Variants in MYO5B observed in about 807,000 individuals in gnomAD.
The protein encoded by MYO5B is myosin VB, also known as unconventional myosin-Vb.
In MYO5B, 143 loss-of-function variants were observed where a neutral mutation model predicts 229.3. The ratio of observed to expected loss-of-function variants is 0.62; its 90% CI spans 0.54 to 0.72. The LOEUF is 0.72. Ranked by LOEUF, MYO5B falls within the 30% of genes least tolerant of loss-of-function variation. MYO5B has a pLI of 0.00. For missense variants in MYO5B, 2,321 were observed against 2,331.0 expected, an observed-to-expected ratio of 1.00 and a Z score of 0.09; for synonymous variants, 918 against 885.2, an observed-to-expected ratio of 1.04 and a Z score of -0.66.
chr18:49,869,791 C>T (rs1235654435), intron 27 of MYO5B, among the ~76,000 whole-genome samples: 1 of 151,124 alleles, frequency 6.6e-6, no homozygotes, highest in Non-Finnish European at 1.5e-5. Flanking sequence ...GGGCCCTATC[C>T]CAGCCTTCTG....
intron 21 of MYO5B, among the ~76,000 whole-genome samples, chr18:49,896,162 T>C (rs1240996111): frequency 1.3e-5 from 2 of 152,178 alleles, no homozygotes; most frequent in African/African-American, 2.4e-5. Context: ...AGAAAAGCCC[T>C]TGGACCCTGT....
chr18:49,846,241 A>G (rs2024124438), intron 33 of MYO5B, among the ~76,000 whole-genome samples: 4 of 152,158 alleles, frequency 2.6e-5, no homozygotes, highest in African/African-American at 9.7e-5. Flanking sequence ...TCCTCACTTT[A>G]ATGAGCCTGT....
chr18:50,077,901 C>A (rs1028020463), intron 1 of MYO5B, among the ~76,000 whole-genome samples: 2 of 152,188 alleles, frequency 1.3e-5, no homozygotes, highest in Admixed American at 1.3e-4. Context: ...GACCTTTATT[C>A]AGCACACTCC....
In MYO5B at chr18:49,826,528, G is replaced by T; in HGVS notation, c.5490C>A (p.Thr1830=). The T allele has an allele frequency of 6.2e-7, 1 of 1,614,032 alleles. No individual in the cohort carries two copies. The highest frequency in any genetic ancestry group is 8.5e-7 in the Non-Finnish European group (1 of 1,179,926). ...VLFPFNPSSL[T]MDSIHIPACL... ...ACGCTGGGATGTGGATTGAGTCCAT[G>T]GTTAGAGAAGATGGATTAAATGGAA... Residue 1830 remains threonine, a synonymous_variant, in exon 40 of 40, where the codon ACC becomes ACA. Transcript: ENST00000285039.
chr18:50,145,987 A>G (rs1027116281), intron 1 of MYO5B, among the ~76,000 whole-genome samples: 2 of 152,252 alleles, frequency 1.3e-5, no homozygotes, highest in African/African-American at 4.8e-5. Flanking sequence ...TTTGTTTTGT[A>G]AATTAAAGGA....
chr18:50,128,315 G>GA lies in MYO5B; in HGVS notation c.27+66451dup, dbSNP rs137873830. Among the ~76,000 whole-genome samples, 527 of 152,272 alleles carry GA rather than the reference G, an allele frequency of 3.5e-3. 1 individual carries two copies. Among genetic ancestry groups the GA allele is most frequent in the African/African-American group, 0.012 (519 of 41,550 alleles). ...CCATGAGAAAATGGCTTTGAAGGGG[G>GA]AGAGAGAACAAACAGGAATGAGGAC... is the stretch of plus-strand genomic sequence containing the variant. On this transcript the variant is annotated intron_variant, in intron 1 of 39. Coordinates refer to ENST00000285039, the MANE Select transcript of MYO5B (RefSeq NM_001080467.3).
chr18:50,112,095 A>G (rs1202787731), intron 1 of MYO5B, among the ~76,000 whole-genome samples: 4 of 152,252 alleles, frequency 2.6e-5, no homozygotes, highest in Admixed American at 1.3e-4. Context: ...GGGCAAAGGA[A>G]GAGAGCTATA....
In MYO5B at chr18:50,043,636, TAAATATATTTATAAATATGTAAATATATA is replaced by T. The variant is rs1431252359; in HGVS notation, c.139-3351_139-3323del. 2.4e-4 allele frequency among the ~76,000 whole-genome samples: 32 copies of T among 135,950 alleles called. 1 individual carries two copies. The South Asian group carries it at 6.7e-3, about 28-fold the overall frequency. The allele number at this position is 135,950 out of a possible 152,430, so 89.2% of individuals were successfully genotyped here. A position where few individuals can be genotyped will look rare whatever the true frequency, so the allele number is the denominator to read the frequency against. ...AATATATATAAATATATAAATATAT[TAAATATATTTATAAATATGTAAATATATA>T]AAATATATTTATAAATATATATAAA... On this transcript the variant is annotated intron_variant, in intron 2 of 39. Transcript: ENST00000285039.
chr18:50,038,303 G>A (rs892895216), intron 3 of MYO5B, among the ~76,000 whole-genome samples: 3 of 152,166 alleles, frequency 2.0e-5, no homozygotes, highest in Non-Finnish European at 4.4e-5. Flanking sequence ...GGAAGTCTCC[G>A]ACATTGTGTT....
At chr18:49,904,891 AC>A in intron 19 of MYO5B, 63 bp from the exon 20 acceptor site, 3 of 1,576,510 alleles carry the variant, frequency 1.9e-6, no homozygotes, top group Non-Finnish European at 2.6e-6. Flanking sequence ...GATGCAGAGA[AC>A]CCTGAGACAT....
At chr18:49,884,746 A>G (rs2024624815) in intron 22 of MYO5B, among the ~76,000 whole-genome samples, 2 of 152,214 alleles carry the variant, frequency 1.3e-5, no homozygotes, top group Non-Finnish European at 2.9e-5. Flanking sequence ...GACTCCTGTG[A>G]TACATGACTC....
chr18:49,877,050 G>A (rs530183570), intron 25 of MYO5B, among the ~76,000 whole-genome samples: 1 of 152,306 alleles, frequency 6.6e-6, no homozygotes, highest in East Asian at 1.9e-4. Flanking sequence ...ACAAAGAACT[G>A]CTCCAAACCC....
intron 22 of MYO5B, among the ~76,000 whole-genome samples, chr18:49,888,313 A>T (rs1787546): frequency 0.12 from 18,642 of 152,086 alleles, 1,470 homozygotes; most frequent in African/African-American, 0.22. Flanking sequence ...GCACTGCCAT[A>T]CGTCCCCTAA....
In MYO5B at chr18:49,913,638, C is replaced by T. The variant is rs553827628; in HGVS notation, c.2091-1465G>A. Among the ~76,000 whole-genome samples, 7 of 152,214 alleles carry T rather than the reference C, an allele frequency of 4.6e-5. No individual in the cohort carries two copies. The East Asian group carries it at 1.4e-3, about 29-fold the overall frequency. On this transcript the variant is annotated intron_variant, in intron 17 of 39. Transcript: ENST00000285039. ...GGACAGGAGACAGGGAAATACTGGA[C>T]AGAAGAGGACAGTTCCCTGGCAAAG...
At position 49,847,266 on chromosome 18, in the gene MYO5B, C is replaced by T. The variant is rs2024141342; in HGVS notation, c.4339G>A (p.Glu1447Lys). Residue 1447 changes from glutamate (E) to lysine (K), a missense_variant, in exon 33 of 40, where the codon GAG becomes AAG. Glu to Lys is a moderately conservative substitution (Grantham distance 56, BLOSUM62 1). Transcript: ENST00000285039. ...LEAAQALAQS[E>K]RKRHELNRQV... is the part of the protein sequence containing the mutation. ...CTGTTGAGCTCATGGCGCTTCCTCT[C>T]ACTCTGGGCCAATGCCTGGGCAGCT... 6.2e-7 allele frequency: 1 copy of T among 1,613,630 alleles called. No homozygotes were observed.
At chr18:50,132,406 C>T (rs1356188913) in intron 1 of MYO5B, among the ~76,000 whole-genome samples, 5 of 152,104 alleles carry the variant, frequency 3.3e-5, no homozygotes, top group Non-Finnish European at 5.9e-5. Context: ...GTCCTTCTGT[C>T]GTTGTAAAGA....
chr18:50,046,350 T>A (rs2030225967), intron 2 of MYO5B, among the ~76,000 whole-genome samples: 1 of 152,200 alleles, frequency 6.6e-6, no homozygotes, highest in Non-Finnish European at 1.5e-5. Flanking sequence ...CTCCAGGGGT[T>A]TGTAATGCAC....
chr18:50,155,823 A>G (rs915139193), intron 1 of MYO5B, among the ~76,000 whole-genome samples: 1 of 152,242 alleles, frequency 6.6e-6, no homozygotes, highest in African/African-American at 2.4e-5. Flanking sequence ...ACCAAGATCC[A>G]AAAGTGCTTT....
At chr18:49,949,914 AATG>A (rs1323529316) in intron 14 of MYO5B, among the ~76,000 whole-genome samples, 1 of 152,208 alleles carries the variant, frequency 6.6e-6, no homozygotes, top group Non-Finnish European at 1.5e-5. Context: ...TCACTCAGTA[AATG>A]ATGAGCTTTA....
Sources: allele counts gnomAD v4.1 joint callset (sites outside exome capture counted in the v4.1 genomes callset), GRCh38; gene constraint gnomAD v4.1.1; transcripts MANE v1.5; gene names NCBI Gene and HGNC (gene_info 2026-07-23, HGNC 2026-07-21).